Variants in PIGL observed in about 807,000 individuals in gnomAD.
PIGL encodes the protein N-acetylglucosaminyl-phosphatidylinositol de-N-acetylase.
PIGL carries 22 observed loss-of-function variants against 31.1 expected under a neutral mutation model. That is an observed-to-expected ratio of 0.71 (90% CI 0.51 to 1.01). The LOEUF is 1.01. Ranked by LOEUF, PIGL falls within the 50% of genes least tolerant of loss-of-function variation. The pLI, the probability that PIGL is intolerant of heterozygous loss-of-function variation, is 0.00. For missense variants in PIGL, 302 were observed against 315.9 expected (o/e 0.96, Z 0.33); for synonymous variants, 131 against 117.4 (o/e 1.12, Z -0.75).
At chr17:16,221,238 T>C (rs1371730893) in intron 1 of PIGL, among the ~76,000 whole-genome samples, 1 of 152,188 alleles carries the variant, frequency 6.6e-6, no homozygotes, top group Non-Finnish European at 1.5e-5. Context: ...GAGCTGTACC[T>C]GTAATATTTT....
chr17:16,235,419 C>A (rs2092695355), intron 2 of PIGL, among the ~76,000 whole-genome samples: 1 of 148,076 alleles, frequency 6.8e-6, no homozygotes, highest in South Asian at 2.2e-4. Flanking sequence ...CTGTTTGTTT[C>A]CTGTATGTCT....
chr17:16,220,480 ATTTTTTT>A (rs745948237), intron 1 of PIGL, among the ~76,000 whole-genome samples: 4 of 57,194 alleles, frequency 7.0e-5, no homozygotes, highest in Non-Finnish European at 1.6e-4. Context: ...TTAAATTGTT[ATTTTTTT>A]TTTTTTTTTT....
In PIGL at chr17:16,325,888, G is replaced by A; in HGVS notation, c.749G>A (p.Ser250Asn). 6.2e-7 allele frequency: 1 copy of A among 1,612,062 alleles called. No homozygotes were observed. Among genetic ancestry groups the A allele is most frequent in the Non-Finnish European group, 8.5e-7 (1 of 1,178,142 alleles). ...FSRYMRINSL[S>N]FL Reference sequence around the variant, plus strand: ...CGGTACATGAGAATCAACTCACTGAGCTTCCTCTGAAGCCTTGAAGGGTTT... The same window carrying A: ...CGGTACATGAGAATCAACTCACTGAACTTCCTCTGAAGCCTTGAAGGGTTT... Residue 250 changes from serine to asparagine, a missense_variant, in exon 7 of 7, where the codon AGC becomes AAC. Transcript: ENST00000225609.
intron 2 of PIGL, among the ~76,000 whole-genome samples, chr17:16,249,038 A>C (rs1209143208): frequency 6.6e-6 from 1 of 152,186 alleles, no homozygotes; most frequent in African/African-American, 2.4e-5. Flanking sequence ...TTAGGGCCCC[A>C]CATTTATGGA....
chr17:16,222,692 T>C (rs2092634756), intron 1 of PIGL, among the ~76,000 whole-genome samples: 1 of 151,272 alleles, frequency 6.6e-6, no homozygotes, highest in Non-Finnish European at 1.5e-5. Flanking sequence ...CCAAGGAACA[T>C]TAGTTCATCA....
At chr17:16,271,769 G>A (rs1224703192) in intron 2 of PIGL, among the ~76,000 whole-genome samples, 1 of 152,054 alleles carries the variant, frequency 6.6e-6, no homozygotes, top group Admixed American at 6.6e-5. Flanking sequence ...TGACCTCATG[G>A]TCTGCCCGCC....
chr17:16,283,455 A>G (rs2092924844), intron 2 of PIGL, among the ~76,000 whole-genome samples: 1 of 152,092 alleles, frequency 6.6e-6, no homozygotes, highest in Non-Finnish European at 1.5e-5. Flanking sequence ...ATGACAGAGC[A>G]AGACCCTATT....
At chr17:16,302,471 C>T (rs1337789765) in intron 3 of PIGL, among the ~76,000 whole-genome samples, 2 of 152,232 alleles carry the variant, frequency 1.3e-5, no homozygotes, top group African/African-American at 2.4e-5. Flanking sequence ...TGAAGTACTC[C>T]CTGGCACCTC....
intron 1 of PIGL, among the ~76,000 whole-genome samples, chr17:16,220,730 C>T (rs1431177622): frequency 2.6e-5 from 4 of 152,006 alleles, no homozygotes; most frequent in African/African-American, 7.3e-5. Flanking sequence ...TCAGGTGATC[C>T]GCCCACCTTG....
At chr17:16,227,253 C>T (rs1425496866) in intron 1 of PIGL, among the ~76,000 whole-genome samples, 30 of 151,956 alleles carry the variant, frequency 2.0e-4, no homozygotes, top group Admixed American at 2.0e-3. Context: ...GGATTACAGG[C>T]GCGTGCCACC....
intron 2 of PIGL, among the ~76,000 whole-genome samples, chr17:16,298,160 G>C (rs746857448): frequency 3.3e-5 from 5 of 152,268 alleles, no homozygotes; most frequent in South Asian, 2.1e-4. Flanking sequence ...AGATGAACCA[G>C]CTGAAGCAAA....
intron 2 of PIGL, among the ~76,000 whole-genome samples, chr17:16,299,051 T>G (rs2092993850): frequency 6.7e-6 from 1 of 148,490 alleles, no homozygotes; most frequent in Non-Finnish European, 1.5e-5. Context: ...AATAAATAAA[T>G]ACAAAAATTA....
intron 2 of PIGL, among the ~76,000 whole-genome samples, chr17:16,234,960 A>G (rs1419010658): frequency 1.3e-5 from 2 of 152,136 alleles, no homozygotes; most frequent in Non-Finnish European, 2.9e-5. Flanking sequence ...CCATTTGCCT[A>G]TTACCTAAAC....
chr17:16,235,467 G>A (rs1163754248), intron 2 of PIGL, among the ~76,000 whole-genome samples: 5 of 120,622 alleles, frequency 4.1e-5, no homozygotes, highest in East Asian at 4.8e-4. Context: ...TTTTTGAGAC[G>A]GAGTCTCACT....
intron 2 of PIGL, among the ~76,000 whole-genome samples, chr17:16,237,769 C>T (rs1302543393): frequency 7.3e-6 from 1 of 136,348 alleles, no homozygotes; most frequent in Non-Finnish European, 1.5e-5. Flanking sequence ...CACTGAACTC[C>T]AGCCCGGATA....
chr17:16,319,223 CAAAA>C (rs11379081), intron 6 of PIGL, among the ~76,000 whole-genome samples: 20 of 82,984 alleles, frequency 2.4e-4, no homozygotes, highest in Middle Eastern at 0.011. Context: ...AGACCCTAGC[CAAAA>C]AAAAAAAAAA....
At chr17:16,246,310 G>A (rs996802414) in intron 2 of PIGL, among the ~76,000 whole-genome samples, 11 of 150,774 alleles carry the variant, frequency 7.3e-5, no homozygotes, top group Admixed American at 4.6e-4. Context: ...TCAAGAGATC[G>A]AGACCATCCT....
intron 6 of PIGL, among the ~76,000 whole-genome samples, chr17:16,320,191 TGA>T (rs200966115): frequency 0.033 from 2,992 of 89,350 alleles, 64 homozygotes; most frequent in South Asian, 0.081. Flanking sequence ...AAGGAGAGAG[TGA>T]GAGAAAGAAA....
At chr17:16,263,831 G>A (rs960124460) in intron 2 of PIGL, among the ~76,000 whole-genome samples, 90 of 113,124 alleles carry the variant, frequency 8.0e-4, no homozygotes, top group Admixed American at 3.7e-3. Context: ...TGTAAATGTT[G>A]ACTTTTTTTT....
Sources: gnomAD v4.1 joint callset for allele counts (sites outside exome capture counted in the v4.1 genomes callset) on GRCh38, gnomAD v4.1.1 for gene constraint, MANE v1.5 for transcripts, NCBI Gene and HGNC (gene_info 2026-07-23, HGNC 2026-07-21) for gene names.